Variants in LACTB observed in about 807,000 individuals in gnomAD.
LACTB encodes serine beta-lactamase-like protein LACTB, mitochondrial.
A neutral mutation model predicts 50.2 loss-of-function variants in LACTB; 35 were observed. The observed-to-expected ratio is 0.70, with a 90% CI of 0.53 to 0.92. The LOEUF (loss-of-function observed/expected upper bound fraction) is 0.92, where lower values mean the gene tolerates loss of function less well. LACTB is among the 40% of genes least tolerant of loss of function. The probability of loss-of-function intolerance (pLI) is 0.00; values close to 1 mark genes in which losing one functional copy is unlikely to be tolerated. For missense variants in LACTB, 664 were observed against 691.8 expected (o/e 0.96, Z 0.45); for synonymous variants, 252 against 268.2 (o/e 0.94, Z 0.59).
At chr15:63,127,799 A>AT in intron 4 of LACTB, 110 bp downstream of exon 4, 3 of 756,714 alleles carry the variant, frequency 4.0e-6, no homozygotes, top group Non-Finnish European at 6.4e-6. Context: ...GATGATTGTG[A>AT]TACGGACTAG....
intron 5 of LACTB, among the ~76,000 whole-genome samples, chr15:63,139,869 G>A (rs565095733): frequency 6.6e-6 from 1 of 151,536 alleles, no homozygotes; most frequent in African/African-American, 2.4e-5. Flanking sequence ...AGGCAGAGGC[G>A]AGTGGATTGC....
chr15:63,122,161 C>T lies in LACTB; in HGVS notation c.290C>T (p.Ala97Val), dbSNP rs1354862239. 6.6e-7 allele frequency: 1 copy of T among 1,516,564 alleles called. No homozygotes were observed. Among genetic ancestry groups the T allele is most frequent in the South Asian group, 1.2e-5 (1 of 82,866 alleles). 93.9% of individuals were successfully genotyped at this position (1,516,564 alleles called of 1,614,324 possible). The change falls in exon 1 of 6, where the codon GCG (alanine) becomes GTG (valine). Residue 97 changes from alanine to valine, a missense_variant. By Grantham distance (64) the Ala-to-Val change is moderately conservative. Transcript: ENST00000261893. ...SLAPWSPQTP[A>V]PPCSRCFARA... Reference sequence around the variant, plus strand: ...GCCCCGTGGTCTCCGCAGACCCCGGCGCCGCCCTGCTCCAGGTGCTTCGCC... The same window carrying T: ...GCCCCGTGGTCTCCGCAGACCCCGGTGCCGCCCTGCTCCAGGTGCTTCGCC...
At chr15:63,139,192 T>G (rs1350556216) in intron 5 of LACTB, among the ~76,000 whole-genome samples, 1 of 125,848 alleles carries the variant, frequency 7.9e-6, no homozygotes, top group African/African-American at 3.2e-5. Context: ...CTACTAAAAA[T>G]CCAAAAAAAA....
intron 2 of LACTB, chr15:63,125,951 G>A (rs913235767): frequency 2.7e-5 from 4 of 150,884 alleles, no homozygotes; most frequent in Non-Finnish European, 5.9e-5. Flanking sequence ...TAATCCACCC[G>A]TCTCCGCCTC....
intron 5 of LACTB, among the ~76,000 whole-genome samples, chr15:63,139,775 ACT>A (rs1008339504): frequency 6.6e-6 from 1 of 151,906 alleles, no homozygotes; most frequent in African/African-American, 2.4e-5. Flanking sequence ...ACAGAGCAAG[ACT>A]CTGTCTCAAA....
At chr15:63,122,536 G>T (rs1235728469) in intron 1 of LACTB, 100 bp from the exon 2 acceptor site, 11 of 963,436 alleles carry the variant, frequency 1.1e-5, no homozygotes, top group Admixed American at 5.4e-5. Flanking sequence ...GAGGGGGCGG[G>T]GCCCAGGCTC....
chr15:63,123,596 G>A (rs1297776196), intron 2 of LACTB, among the ~76,000 whole-genome samples: 4 of 148,462 alleles, frequency 2.7e-5, no homozygotes, highest in South Asian at 2.2e-4. Flanking sequence ...GTCTGGCTGC[G>A]CTGTTATTTA....
At chr15:63,126,670 A>C (rs1236772350) in intron 2 of LACTB, among the ~76,000 whole-genome samples, 189 bp from the exon 3 acceptor site, 2 of 152,212 alleles carry the variant, frequency 1.3e-5, no homozygotes, top group South Asian at 4.1e-4. Flanking sequence ...ATAAGGTTAA[A>C]TTGTTAGGCT....
chr15:63,125,003 A>G (rs921108276), intron 2 of LACTB, among the ~76,000 whole-genome samples: 4 of 151,246 alleles, frequency 2.6e-5, no homozygotes, highest in Non-Finnish European at 4.4e-5. Context: ...CAGTAAGTTG[A>G]TGGGCGCAGT....
intron 5 of LACTB, among the ~76,000 whole-genome samples, chr15:63,135,950 T>G (rs2037171800): frequency 6.6e-6 from 1 of 152,200 alleles, no homozygotes; most frequent in Non-Finnish European, 1.5e-5. Flanking sequence ...AGAGCAGCTA[T>G]TATTTCCTGT....
rs765171414 is a variant in LACTB, at chr15:63,127,348, A to G, written c.616-5A>G. ...GTAATTGAATTTTCATGTTTTTACA[A>G]TTAGGTTTCTGTCACAACAAGATTA... On this transcript the variant is annotated splice_polypyrimidine_tract_variant and splice_region_variant and intron_variant, in intron 3 of 5. Transcript: ENST00000261893. The G allele has an allele frequency of 3.0e-5, 46 of 1,537,636 alleles. No individual in the cohort carries two copies. Among genetic ancestry groups the G allele is most frequent in the South Asian group, 3.7e-5 (3 of 80,446 alleles).
chr15:63,131,369 A>G (rs1595716453), intron 5 of LACTB: 1 of 152,196 alleles, frequency 6.6e-6, no homozygotes, highest in Non-Finnish European at 1.5e-5. Flanking sequence ...ATTTTAGTCA[A>G]TGAGTTATAA....
At chr15:63,136,319 G>A (rs2037176971) in intron 5 of LACTB, among the ~76,000 whole-genome samples, 1 of 152,154 alleles carries the variant, frequency 6.6e-6, no homozygotes, top group Admixed American at 6.5e-5. Flanking sequence ...TTACAGGCGT[G>A]AGCCTAGCTC....
chr15:63,126,525 G>T (rs1332658340), intron 2 of LACTB, among the ~76,000 whole-genome samples: 1 of 152,142 alleles, frequency 6.6e-6, no homozygotes, highest in Non-Finnish European at 1.5e-5. Flanking sequence ...ATCTGAAGAA[G>T]AATAATGATG....
chr15:63,137,619 A>G (rs1198415038), intron 5 of LACTB, among the ~76,000 whole-genome samples: 1 of 152,208 alleles, frequency 6.6e-6, no homozygotes, highest in Non-Finnish European at 1.5e-5. Context: ...CCTTTGTGTT[A>G]CAAATGATCC....
chr15:63,139,950 A>C (rs1335405686), intron 5 of LACTB, among the ~76,000 whole-genome samples: 4 of 89,552 alleles, frequency 4.5e-5, no homozygotes, highest in African/African-American at 1.5e-4. Context: ...AAAAAAAAAA[A>C]AAAAATCTTA....
intron 2 of LACTB, among the ~76,000 whole-genome samples, chr15:63,125,274 T>C (rs1254234846): frequency 6.6e-6 from 1 of 151,972 alleles, no homozygotes; most frequent in African/African-American, 2.4e-5. Flanking sequence ...TTCAAGTGAT[T>C]CTCCTGCCTC....
At chr15:63,133,246 A>G (rs1236873688) in intron 5 of LACTB, among the ~76,000 whole-genome samples, 1 of 152,222 alleles carries the variant, frequency 6.6e-6, no homozygotes, top group Non-Finnish European at 1.5e-5. Context: ...GCCTTTACAA[A>G]TTTTATATTT....
chr15:63,121,988 C>A lies in LACTB; in HGVS notation c.117C>A (p.Gly39=). ...QRAGLPPLGH[G]WVGGLGLGLG... ...CCGGGCTGCCGCCTCTCGGCCACGGCTGGGTCGGGGGCCTCGGGCTGGGGC... is the reference window on the plus strand; with the variant it reads ...CCGGGCTGCCGCCTCTCGGCCACGGATGGGTCGGGGGCCTCGGGCTGGGGC... Residue 39 remains glycine (G), a synonymous_variant, in exon 1 of 6, where the codon GGC becomes GGA. Transcript: ENST00000261893. 1.5e-6 allele frequency: 2 copies of A among 1,369,318 alleles called. No homozygotes were observed. The highest frequency in any genetic ancestry group is 3.7e-5 in the Admixed American group (1 of 26,884). The allele number at this position is 1,369,318 out of a possible 1,614,324, so 84.8% of individuals were successfully genotyped here. A position where few individuals can be genotyped will look rare whatever the true frequency, so the allele number is the denominator to read the frequency against.
Sources: allele counts gnomAD v4.1 joint callset (sites outside exome capture counted in the v4.1 genomes callset), GRCh38; gene constraint gnomAD v4.1.1; transcripts MANE v1.5; gene names NCBI Gene and HGNC (gene_info 2026-07-23, HGNC 2026-07-21).